WARS2: variants seen among roughly 807,000 people sequenced by gnomAD.
The protein encoded by WARS2 is tryptophan--tRNA ligase, mitochondrial.
Under a neutral mutation model 36.5 loss-of-function variants are expected in WARS2, and 28 were observed. That is an observed-to-expected ratio of 0.77 (90% CI 0.57 to 1.05). The LOEUF (loss-of-function observed/expected upper bound fraction) is 1.05, where lower values mean the gene tolerates loss of function less well. Among genes scored for constraint, WARS2 ranks in the 50% least tolerant of loss-of-function variants. The pLI, the probability that WARS2 is intolerant of heterozygous loss-of-function variation, is 0.00. For missense variants in WARS2, 435 were observed against 456.8 expected (o/e 0.95, Z 0.44); for synonymous variants, 174 against 178.4 (o/e 0.98, Z 0.20).
chr1:119,118,966 C>G (rs750756731), intron 1 of WARS2, among the ~76,000 whole-genome samples: 1 of 152,096 alleles, frequency 6.6e-6, no homozygotes, highest in South Asian at 2.1e-4. Context: ...AAAATAGAAC[C>G]TCCTTAAAGC....
At chr1:119,045,687 G>T in intron 2 of WARS2, 25 bp from the exon 3 acceptor site, 1 of 1,553,124 alleles carries the variant, frequency 6.4e-7, no homozygotes, top group Non-Finnish European at 8.8e-7. Flanking sequence ...TAGAACATTA[G>T]TAAAGGTGGC....
At chr1:119,061,084 G>GAA (rs1340986168) in intron 2 of WARS2, among the ~76,000 whole-genome samples, 1 of 152,024 alleles carries the variant, frequency 6.6e-6, no homozygotes, top group African/African-American at 2.4e-5. Flanking sequence ...TTTATTTAAA[G>GAA]ATATTCTTCA....
At chr1:119,102,731 A>G (rs1653962735) in intron 1 of WARS2, among the ~76,000 whole-genome samples, 1 of 152,070 alleles carries the variant, frequency 6.6e-6, no homozygotes, top group Admixed American at 6.6e-5. Context: ...CCCTACCTTA[A>G]TCTCTCCACA....
chr1:119,042,925 A>G (rs1020703610), intron 3 of WARS2, among the ~76,000 whole-genome samples: 4 of 152,238 alleles, frequency 2.6e-5, no homozygotes, highest in Admixed American at 2.0e-4. Flanking sequence ...TTCTTAGGTG[A>G]TTAAGCATGC....
At chr1:119,120,873 T>A (rs1655284526) in intron 1 of WARS2, among the ~76,000 whole-genome samples, 1 of 151,922 alleles carries the variant, frequency 6.6e-6, no homozygotes, top group Non-Finnish European at 1.5e-5. Flanking sequence ...CTTAGGAAAA[T>A]TAGCATAGAA....
At chr1:119,064,806 C>T (rs1380726629) in intron 2 of WARS2, 1 of 152,208 alleles carries the variant, frequency 6.6e-6, no homozygotes, top group African/African-American at 2.4e-5. Context: ...ATATCTTTAA[C>T]AGCAGCATGA....
chr1:119,098,960 G>A (rs587604536), intron 1 of WARS2, among the ~76,000 whole-genome samples: 62 of 143,948 alleles, frequency 4.3e-4, no homozygotes, highest in African/African-American at 1.6e-3. Context: ...TGGTCTTGAA[G>A]TCCTGACCTC....
At chr1:119,040,945 A>T (rs553596205) in intron 4 of WARS2, among the ~76,000 whole-genome samples, 40 of 152,336 alleles carry the variant, frequency 2.6e-4, no homozygotes, top group African/African-American at 9.1e-4. Context: ...ACTTATTACA[A>T]ATAATAAATG....
At chr1:119,085,836 A>G in intron 1 of WARS2, 1 of 1,610,510 alleles carries the variant, frequency 6.2e-7, no homozygotes, top group South Asian at 1.1e-5. Flanking sequence ...AAGCCCTCCC[A>G]GGAAGATCCA....
chr1:119,127,267 G>T, intron 1 of WARS2: 1 of 748,820 alleles, frequency 1.3e-6, no homozygotes. Context: ...CCTTTCATAA[G>T]GCGCTTGTTC....
At chr1:119,126,579 C>A in intron 1 of WARS2, 1 of 639,272 alleles carries the variant, frequency 1.6e-6, no homozygotes, top group Admixed American at 2.1e-5. Flanking sequence ...TCCATCAGTT[C>A]GTTCAACTTT....
At chr1:119,110,922 T>A (rs587775792) in intron 1 of WARS2, among the ~76,000 whole-genome samples, 2 of 152,304 alleles carry the variant, frequency 1.3e-5, no homozygotes, top group African/African-American at 4.8e-5. Context: ...TCCACCCTAC[T>A]AATGAACCTA....
At chr1:119,134,150 G>A (rs1307651569) in intron 1 of WARS2, among the ~76,000 whole-genome samples, 6 of 151,782 alleles carry the variant, frequency 4.0e-5, no homozygotes, top group Non-Finnish European at 8.8e-5. Flanking sequence ...CATCCTCAGT[G>A]AGTCACAATC....
intron 1 of WARS2, chr1:119,126,440 G>T: frequency 2.7e-6 from 1 of 372,064 alleles, no homozygotes; most frequent in Non-Finnish European, 4.9e-6. Context: ...TTAATTGATT[G>T]AATTCTCACA....
chr1:119,085,570 T>C (rs1652586227), intron 1 of WARS2: 1 of 1,597,072 alleles, frequency 6.3e-7, no homozygotes, highest in African/African-American at 1.3e-5. Flanking sequence ...TGGAGCTCTT[T>C]GGTCACATCA....
At chr1:119,099,124 A>G (rs1201150054) in intron 1 of WARS2, among the ~76,000 whole-genome samples, 1 of 152,164 alleles carries the variant, frequency 6.6e-6, no homozygotes, top group Non-Finnish European at 1.5e-5. Context: ...ATTTTTGACT[A>G]GTTTTGCCCT....
chr1:119,056,379 C>G (rs1168176544), intron 2 of WARS2, among the ~76,000 whole-genome samples: 2 of 151,050 alleles, frequency 1.3e-5, no homozygotes, highest in Non-Finnish European at 2.9e-5. Context: ...GCAGTGTTCC[C>G]TACACTACAC....
rs1648766017 is a variant in WARS2 at position 119,045,871 on chromosome 1, A to T, written c.349-209T>A. 2.0e-5 allele frequency among the ~76,000 whole-genome samples: 3 copies of T among 152,184 alleles called. No homozygotes were observed. The South Asian group carries it at 6.2e-4, about 32-fold the overall frequency. ...ATACAAGCTAACTGATTTGGTTATT[A>T]ATCTAGTGTTTAAGTCTACTCCACA... On this transcript the variant is annotated intron_variant, in intron 2 of 5. Transcript: ENST00000235521.
At chr1:119,073,160 G>GAAAAAAAAA (rs200552851) in intron 2 of WARS2, among the ~76,000 whole-genome samples, 1 of 61,762 alleles carries the variant, frequency 1.6e-5, no homozygotes, top group Non-Finnish European at 3.7e-5. Context: ...GTTCAAAAAA[G>GAAAAAAAAA]AAAAAAAAAA....
Sources: gnomAD v4.1 joint callset for allele counts (sites outside exome capture counted in the v4.1 genomes callset) on GRCh38, gnomAD v4.1.1 for gene constraint, MANE v1.5 for transcripts, NCBI Gene and HGNC (gene_info 2026-07-23, HGNC 2026-07-21) for gene names.